ZBTB16: variants seen among roughly 807,000 people sequenced by gnomAD.
The protein encoded by ZBTB16 is zinc finger and BTB domain containing 16, also known as zinc finger and BTB domain-containing protein 16.
Under a neutral mutation model 56.8 loss-of-function variants are expected in ZBTB16, and 8 were observed. The observed-to-expected ratio is 0.14, with a 90% CI of 0.08 to 0.25. The LOEUF is 0.25. Ranked by LOEUF, ZBTB16 falls within the 10% of genes least tolerant of loss-of-function variation. The probability of loss-of-function intolerance (pLI) is 1.00; values close to 1 mark genes in which losing one functional copy is unlikely to be tolerated. For missense variants in ZBTB16, 625 were observed against 903.0 expected (o/e 0.69, Z 3.95); for synonymous variants, 363 against 368.5 (o/e 0.98, Z 0.17).
In ZBTB16 at chr11:114,075,629, G is replaced by GTATATATATATATA. The variant is rs10526570; in HGVS notation, c.1268+11067_1268+11080dup. On this transcript the variant is annotated intron_variant, in intron 2 of 6. Transcript: ENST00000335953. ...GCACCACCACACCTGGCTAATTTTT[G>GTATATATATATATA]TATATATATATATATATATTTAGTA... Among the ~76,000 whole-genome samples the GTATATATATATATA allele has an allele frequency of 8.5e-3, 1,202 of 141,026 alleles. 35 individuals carry two copies. Among genetic ancestry groups the GTATATATATATATA allele is most frequent in the African/African-American group, 0.033 (1,134 of 34,660 alleles). 92.5% of individuals were successfully genotyped at this position (141,026 alleles called of 152,430 possible).
chr11:114,203,424 C>T (rs539702), intron 4 of ZBTB16, among the ~76,000 whole-genome samples: 6,883 of 151,978 alleles, frequency 0.045, 204 homozygotes, highest in Middle Eastern at 0.071. Flanking sequence ...ATAAAAGGGC[C>T]GGGCACAGTG....
chr11:114,079,970 T>TC (rs1343473008), intron 2 of ZBTB16, among the ~76,000 whole-genome samples: 1 of 152,144 alleles, frequency 6.6e-6, no homozygotes, highest in African/African-American at 2.4e-5. Context: ...GAGTTTGGGC[T>TC]CCGGGGCGGC....
intron 2 of ZBTB16, among the ~76,000 whole-genome samples, chr11:114,144,087 G>A (rs768305945): frequency 6.6e-6 from 1 of 151,830 alleles, no homozygotes; most frequent in Non-Finnish European, 1.5e-5. Flanking sequence ...TTATCTCCAT[G>A]CCCACACGCT....
intron 2 of ZBTB16, among the ~76,000 whole-genome samples, chr11:114,131,279 C>T (rs113948905): frequency 3.9e-5 from 6 of 152,330 alleles, no homozygotes; most frequent in South Asian, 2.1e-4. Context: ...CAGTCTCCTT[C>T]TCCTGCTCCC....
At position 114,063,973 on chromosome 11, in the gene ZBTB16, G is replaced by A. The variant is rs537020417; in HGVS notation, c.673G>A (p.Glu225Lys). Residue 225 changes from glutamate to lysine, a missense_variant, in exon 2 of 7, where the codon GAG becomes AAG. Physicochemically the swap from Glu to Lys is moderately conservative, Grantham distance 56. Transcript: ENST00000335953. This position sits in a 1 kb window ranked among gnomAD's most constrained non-coding sequence, Gnocchi z 6.5. The stretch of plus-strand genomic sequence containing the variant: ...AACTCTTCAGCCACCTGCAGGGCCC[G>A]AGGAGCCAACTCTGGCTGGGGGTGG... ...QGTLQPPAGP[E>K]EPTLAGGGRH... 6.2e-6 allele frequency: 10 copies of A among 1,613,592 alleles called. No homozygotes were observed. Among genetic ancestry groups the A allele is most frequent in the East Asian group, 2.2e-5 (1 of 44,854 alleles).
intron 5 of ZBTB16, among the ~76,000 whole-genome samples, chr11:114,244,303 T>G (rs1257533439): frequency 6.4e-5 from 6 of 93,112 alleles, no homozygotes; most frequent in African/African-American, 1.7e-4. Context: ...GGGGCTGGGG[T>G]GGGGAGGACG....
intron 2 of ZBTB16, among the ~76,000 whole-genome samples, chr11:114,142,272 T>C (rs1941971381): frequency 6.6e-6 from 1 of 152,134 alleles, no homozygotes; most frequent in Non-Finnish European, 1.5e-5. Context: ...CCTAAAAACT[T>C]TTTCTCCTTC....
At chr11:114,161,279 G>A (rs1208430759) in intron 3 of ZBTB16, among the ~76,000 whole-genome samples, 2 of 152,006 alleles carry the variant, frequency 1.3e-5, no homozygotes, top group East Asian at 1.9e-4. Flanking sequence ...TTTTTGACTC[G>A]GCTGCATACG....
intron 2 of ZBTB16, among the ~76,000 whole-genome samples, chr11:114,096,324 A>G (rs1940405104): frequency 6.6e-6 from 1 of 152,068 alleles, no homozygotes; most frequent in South Asian, 2.1e-4. Context: ...ATTATTTCTG[A>G]TTTGTGGTAA....
chr11:114,184,475 C>T (rs1199597390), intron 3 of ZBTB16, among the ~76,000 whole-genome samples: 1 of 152,184 alleles, frequency 6.6e-6, no homozygotes, highest in Non-Finnish European at 1.5e-5. Flanking sequence ...AGCTCAGACC[C>T]CACCCATGGA....
Position 114,063,721 on chromosome 11 carries a change from G to C in ZBTB16, c.421G>C (p.Gly141Arg). The C allele has an allele frequency of 6.2e-7, 1 of 1,614,028 alleles. No individual in the cohort carries two copies. Among genetic ancestry groups the C allele is most frequent in the Non-Finnish European group, 8.5e-7 (1 of 1,180,036 alleles). The change falls in exon 2 of 7, where the codon GGG becomes CGG. Residue 141 changes from glycine (G) to arginine (R), a missense_variant. By Grantham distance (125) the Gly-to-Arg change is moderately radical. Around this residue, in one of 6 missense-constraint regions of ZBTB16, gnomAD observed 384 missense variants for 393.5 expected, o/e 0.98. Transcript: ENST00000335953. The surrounding 1 kb of genome is among the most constrained non-coding windows in gnomAD (Gnocchi z 6.5). ...CACGGAGGCCACCATGGCCGATGGCGGGGCCGAGGAAGAAGAGGACCGCAA... is the reference window on the plus strand; with the variant it reads ...CACGGAGGCCACCATGGCCGATGGCCGGGCCGAGGAAGAAGAGGACCGCAA... The part of the protein sequence containing the change: ...NDTEATMADG[G>R]AEEEEDRKAR...
At chr11:114,238,640 A>G (rs1944644193) in intron 4 of ZBTB16, among the ~76,000 whole-genome samples, 1 of 152,134 alleles carries the variant, frequency 6.6e-6, no homozygotes, top group Admixed American at 6.5e-5. Context: ...GGACCCAGAC[A>G]TTAGGATCAT....
intron 3 of ZBTB16, among the ~76,000 whole-genome samples, chr11:114,180,606 A>G (rs1308896576): frequency 6.6e-6 from 1 of 152,194 alleles, no homozygotes; most frequent in African/African-American, 2.4e-5. Flanking sequence ...TGAGTTTTAA[A>G]TAGGGGGTAG....
At chr11:114,103,205 A>G (rs1000699605) in intron 2 of ZBTB16, among the ~76,000 whole-genome samples, 132 of 152,312 alleles carry the variant, frequency 8.7e-4, no homozygotes, top group African/African-American at 2.9e-3. Flanking sequence ...GGCCAGGCCT[A>G]TGTTATAAGT....
chr11:114,221,268 G>A (rs778651006), intron 4 of ZBTB16, among the ~76,000 whole-genome samples: 4 of 152,282 alleles, frequency 2.6e-5, no homozygotes, highest in African/African-American at 4.8e-5. Flanking sequence ...TAATATGAAC[G>A]CTTTGTCCTG....
chr11:114,059,882 G>A lies in ZBTB16; in HGVS notation c.-91G>A. ...ACCCCACAGTGCCCGGCTCGGCTGC[G>A]GTGAGTGAGGGGCCGGGAAGAGGCG... On this transcript the variant is annotated splice_region_variant and 5_prime_UTR_variant, in exon 1 of 7. Coordinates refer to ENST00000335953, the MANE Select transcript of ZBTB16 (RefSeq NM_006006.6). The surrounding 1 kb of genome is among the most constrained non-coding windows in gnomAD (Gnocchi z 5.3). The A allele has an allele frequency of 2.5e-6, 1 of 397,420 alleles. No homozygotes were observed. The highest frequency in any genetic ancestry group is 4.4e-6 in the Non-Finnish European group (1 of 225,418). The allele number at this position is 397,420 out of a possible 1,614,324, so 24.6% of individuals were successfully genotyped here. A position where few individuals can be genotyped will look rare whatever the true frequency, so the allele number is the denominator to read the frequency against.
chr11:114,201,629 A>G (rs901998585), intron 4 of ZBTB16, among the ~76,000 whole-genome samples: 7 of 152,230 alleles, frequency 4.6e-5, no homozygotes, highest in Non-Finnish European at 1.0e-4. Context: ...GAATCTGTCA[A>G]TGATGGTATG....
chr11:114,230,988 G>A (rs1944433799), intron 4 of ZBTB16, among the ~76,000 whole-genome samples: 1 of 152,156 alleles, frequency 6.6e-6, no homozygotes, highest in Non-Finnish European at 1.5e-5. Context: ...GAGCCTAGCT[G>A]AGGTTTTTGG....
chr11:114,207,222 G>T (rs1290755135), intron 4 of ZBTB16, among the ~76,000 whole-genome samples: 3 of 152,008 alleles, frequency 2.0e-5, no homozygotes, highest in Non-Finnish European at 4.4e-5. Flanking sequence ...CAGCTACACA[G>T]TGAAATCATT....
Sources: gnomAD v4.1 joint callset for allele counts (sites outside exome capture counted in the v4.1 genomes callset) on GRCh38, gnomAD v4.1.1 for gene constraint, gnomAD v4.1.1 regional missense constraint, Gnocchi (gnomAD v3.1) non-coding constraint, MANE v1.5 for transcripts, NCBI Gene and HGNC (gene_info 2026-07-23, HGNC 2026-07-21) for gene names.